The following KCTD8 variants were observed in gnomAD, a reference collection of about 807,000 sequenced individuals.
KCTD8 encodes the protein BTB/POZ domain-containing protein KCTD8.
In KCTD8, 27 loss-of-function variants were observed where a neutral mutation model predicts 31.5. That is an observed-to-expected ratio of 0.86 (90% CI 0.63 to 1.18). KCTD8 has a LOEUF of 1.18. KCTD8 is among the 50% of genes most tolerant of loss of function. The pLI, the probability that KCTD8 is intolerant of heterozygous loss-of-function variation, is 0.00. For synonymous variants in KCTD8, 290 were observed against 280.0 expected, an observed-to-expected ratio of 1.04 and a Z score of -0.36; for missense variants, 658 against 647.7, an observed-to-expected ratio of 1.02 and a Z score of -0.17.
chr4:44,434,108 A>G (rs1029696813), intron 1 of KCTD8, among the ~76,000 whole-genome samples: 1 of 151,840 alleles, frequency 6.6e-6, no homozygotes, highest in Non-Finnish European at 1.5e-5. Context: ...TTCCCCGAAC[A>G]TGCCATTTTT....
In KCTD8 at chr4:44,448,571, G is replaced by A. The variant is rs199714181; in HGVS notation, c.-48C>T. 11 of 1,392,904 alleles carry A rather than the reference G, an allele frequency of 7.9e-6. No homozygotes were observed. Among genetic ancestry groups the A allele is most frequent in the South Asian group, 1.9e-5 (1 of 53,720 alleles). The allele number at this position is 1,392,904 out of a possible 1,614,324, so 86.3% of individuals were successfully genotyped here. ...TGACCCGAGAGAGCTGCACTTTCTCGTTCCCGGAGCCCGCGCCCCAGCCCT... is the reference window on the plus strand; with the variant it reads ...TGACCCGAGAGAGCTGCACTTTCTCATTCCCGGAGCCCGCGCCCCAGCCCT... On this transcript the variant is annotated 5_prime_UTR_variant, in exon 1 of 2. It adds an upstream start codon to the 5' untranslated region. Coordinates refer to ENST00000360029, the MANE Select transcript of KCTD8 (RefSeq NM_198353.3). This position sits in a 1 kb window ranked among gnomAD's most constrained non-coding sequence, Gnocchi z 4.1.
intron 1 of KCTD8, among the ~76,000 whole-genome samples, chr4:44,257,118 G>C (rs995779398): frequency 4.0e-5 from 6 of 151,884 alleles, no homozygotes; most frequent in African/African-American, 1.4e-4. Flanking sequence ...GCCTGTAAGG[G>C]AGAAAAAGAG....
intron 1 of KCTD8, among the ~76,000 whole-genome samples, chr4:44,364,132 G>A (rs1293160693): frequency 6.6e-6 from 1 of 151,922 alleles, no homozygotes; most frequent in Non-Finnish European, 1.5e-5. Context: ...ACAATGTTAA[G>A]ACAATGAAAA....
intron 1 of KCTD8, among the ~76,000 whole-genome samples, chr4:44,247,875 G>A (rs1257815961): frequency 1.3e-5 from 2 of 151,764 alleles, no homozygotes; most frequent in African/African-American, 4.8e-5. Flanking sequence ...GGATGTTTAG[G>A]TTGTTTCCTT....
intron 1 of KCTD8, among the ~76,000 whole-genome samples, chr4:44,352,340 A>G (rs1719224739): frequency 6.6e-6 from 1 of 152,076 alleles, no homozygotes; most frequent in Non-Finnish European, 1.5e-5. Flanking sequence ...GATAATACCT[A>G]GATTACTTGA....
chr4:44,333,748 G>C (rs1168462878), intron 1 of KCTD8, among the ~76,000 whole-genome samples: 3 of 152,032 alleles, frequency 2.0e-5, no homozygotes, highest in East Asian at 1.9e-4. Flanking sequence ...CATGATACAA[G>C]AGTAATATAT....
At chr4:44,186,614 G>A (rs1379330152) in intron 1 of KCTD8, among the ~76,000 whole-genome samples, 1 of 152,184 alleles carries the variant, frequency 6.6e-6, no homozygotes, top group Non-Finnish European at 1.5e-5. Flanking sequence ...CTGTGGGGAC[G>A]GAGCCCACAC....
chr4:44,180,628 C>A (rs1390471360), intron 1 of KCTD8, among the ~76,000 whole-genome samples: 1 of 151,286 alleles, frequency 6.6e-6, no homozygotes, highest in Non-Finnish European at 1.5e-5. Context: ...CACTTAGATG[C>A]ATTTATTATG....
At chr4:44,412,517 A>G (rs4235192) in intron 1 of KCTD8, among the ~76,000 whole-genome samples, 128,366 of 152,108 alleles carry the variant, frequency 0.84, 54,360 homozygotes, top group South Asian at 0.9. Context: ...TGTATCCACA[A>G]GATACTATGC....
chr4:44,439,853 C>T (rs1281664695), intron 1 of KCTD8, among the ~76,000 whole-genome samples: 1 of 151,702 alleles, frequency 6.6e-6, no homozygotes, highest in Non-Finnish European at 1.5e-5. Flanking sequence ...TTAATGAAGT[C>T]AGTTAATTTT....
At chr4:44,417,601 T>C (rs570070372) in intron 1 of KCTD8, among the ~76,000 whole-genome samples, 39 of 5,070 alleles carry the variant, frequency 7.7e-3, no homozygotes, top group African/African-American at 0.016. Context: ...AAAATCTCTT[T>C]TATGAAGCCC....
intron 1 of KCTD8, among the ~76,000 whole-genome samples, chr4:44,411,291 A>T (rs73177430): frequency 0.077 from 11,640 of 151,094 alleles, 1,245 homozygotes; most frequent in African/African-American, 0.25. Flanking sequence ...AGTGGGAGAA[A>T]CGACTGATCC....
chr4:44,250,146 T>A lies in KCTD8; in HGVS notation c.962-74896A>T, dbSNP rs924191736. On this transcript the variant is annotated intron_variant, in intron 1 of 1. Transcript: ENST00000360029. ...ACATGTGTAAGATTATACATGTTCA[T>A]GGGTGAGTTTTTTTAGGCTCTTAGA... Among the ~76,000 whole-genome samples, 9 of 151,848 alleles carry A rather than the reference T, an allele frequency of 5.9e-5. No homozygotes were observed. The East Asian group carries it at 1.7e-3, about 29-fold the overall frequency.
chr4:44,388,671 T>A (rs1038177580), intron 1 of KCTD8, among the ~76,000 whole-genome samples: 1 of 151,168 alleles, frequency 6.6e-6, no homozygotes, highest in African/African-American at 2.4e-5. Context: ...CATGCACACA[T>A]AGAGGAAAAT....
intron 1 of KCTD8, among the ~76,000 whole-genome samples, chr4:44,443,002 G>T (rs538246454): frequency 1.3e-5 from 2 of 152,224 alleles, no homozygotes; most frequent in South Asian, 4.1e-4. Context: ...AAAGTTCAAT[G>T]CCATTAAACA....
chr4:44,413,275 T>C (rs1267820987), intron 1 of KCTD8, among the ~76,000 whole-genome samples: 2 of 152,176 alleles, frequency 1.3e-5, no homozygotes, highest in Non-Finnish European at 2.9e-5. Flanking sequence ...TGTTAAAATT[T>C]AAGAAACTTC....
At chr4:44,343,760 G>T (rs879582153) in intron 1 of KCTD8, among the ~76,000 whole-genome samples, 10 of 152,100 alleles carry the variant, frequency 6.6e-5, no homozygotes, top group Non-Finnish European at 1.0e-4. Flanking sequence ...AATCACATTA[G>T]TAAACTGTAA....
At chr4:44,397,482 T>C (rs1358943242) in intron 1 of KCTD8, among the ~76,000 whole-genome samples, 1 of 152,108 alleles carries the variant, frequency 6.6e-6, no homozygotes, top group African/African-American at 2.4e-5. Context: ...CACTGGCACA[T>C]ACACATATAA....
chr4:44,303,354 T>C (rs993545988), intron 1 of KCTD8, among the ~76,000 whole-genome samples: 4 of 152,074 alleles, frequency 2.6e-5, no homozygotes, highest in Non-Finnish European at 4.4e-5. Flanking sequence ...GGTCCTGGAC[T>C]CTTTTTGGTT....
Sources: gnomAD v4.1 joint callset for allele counts (sites outside exome capture counted in the v4.1 genomes callset) on GRCh38, gnomAD v4.1.1 for gene constraint, Gnocchi (gnomAD v3.1) non-coding constraint, MANE v1.5 for transcripts, NCBI Gene and HGNC (gene_info 2026-07-23, HGNC 2026-07-21) for gene names.